Variants in LARS1 observed in about 807,000 individuals in gnomAD.
LARS1 encodes leucine--tRNA ligase, cytoplasmic.
LARS1 carries 100 observed loss-of-function variants against 162.8 expected under a neutral mutation model. The ratio of observed to expected loss-of-function variants is 0.61; its 90% confidence interval spans 0.52 to 0.73. The LOEUF is 0.73. LARS1 is among the 30% of genes least tolerant of loss of function. The pLI, the probability that LARS1 is intolerant of heterozygous loss-of-function variation, is 0.00. For missense variants in LARS1, 1,258 were observed against 1,408.9 expected (o/e 0.89, Z 1.71); for synonymous variants, 457 against 462.8 (o/e 0.99, Z 0.16).
chr5:146,142,092 G>C (rs866566545), intron 20 of LARS1, among the ~76,000 whole-genome samples: 5 of 151,852 alleles, frequency 3.3e-5, no homozygotes, highest in Non-Finnish European at 5.9e-5. Flanking sequence ...CCCAGGAGGC[G>C]GAGGTTGCAG....
chr5:146,161,117 A>G (rs1012217066), intron 6 of LARS1, among the ~76,000 whole-genome samples: 1 of 152,360 alleles, frequency 6.6e-6, no homozygotes, highest in East Asian at 1.9e-4. Context: ...ATATTGAATT[A>G]TGTTAAGTGT....
intron 28 of LARS1, 132 bp from the exon 29 acceptor site, chr5:146,124,218 G>T: frequency 1.7e-6 from 1 of 583,792 alleles, no homozygotes. Context: ...GAAAGGCCTT[G>T]GACTCATGAT....
chr5:146,146,532 C>CAAAAAAAA (rs573828595), intron 15 of LARS1, among the ~76,000 whole-genome samples: 1 of 26,502 alleles, frequency 3.8e-5, no homozygotes, highest in Non-Finnish European at 6.1e-5. Flanking sequence ...ATGCCAGAAC[C>CAAAAAAAA]AAAAAAAAAA....
In LARS1 at chr5:146,121,901, T is replaced by A. The variant is rs370846647; in HGVS notation, c.3192+591A>T. ...GATGACGGGTAGATGGGTGCAGCAA[T>A]CCACCATGGCACGTGTATACCTATG... On this transcript the variant is annotated intron_variant, in intron 30 of 31. Coordinates refer to ENST00000394434, the MANE Select transcript of LARS1 (RefSeq NM_020117.11). Among the ~76,000 whole-genome samples, 386 of 152,062 alleles carry A rather than the reference T, an allele frequency of 2.5e-3. 1 individual carries two copies. Among genetic ancestry groups the A allele is most frequent in the African/African-American group, 8.8e-3 (366 of 41,496 alleles).
chr5:146,142,986 T>G lies in LARS1; in HGVS notation c.1976A>C (p.Lys659Thr). Residue 659 changes from lysine to threonine, a missense_variant, in exon 20 of 32, where the codon AAG (lysine) becomes ACG (threonine). Transcript: ENST00000394434. ...AGGATACCAGAATTCAAACTCCTGCTTTAACTGATCTAATTTTTCCTTTGC... is the reference window on the plus strand; with the variant it reads ...AGGATACCAGAATTCAAACTCCTGCGTTAACTGATCTAATTTTTCCTTTGC... ...QIAKEKLDQLKQEFEFWYPVD... is the reference protein window; with the variant it reads ...QIAKEKLDQLTQEFEFWYPVD... 2 of 1,613,966 alleles carry G rather than the reference T, an allele frequency of 1.2e-6. No individual in the cohort carries two copies. The highest frequency in any genetic ancestry group is 1.7e-6 in the Non-Finnish European group (2 of 1,179,860).
At chr5:146,131,735 C>T (rs1334717923) in intron 23 of LARS1, 2 of 152,334 alleles carry the variant, frequency 1.3e-5, no homozygotes, top group Non-Finnish European at 2.9e-5. Context: ...AAGCAATCCT[C>T]CCACCTCAGC....
chr5:146,114,057 A>T lies in LARS1; in HGVS notation c.*49T>A. 1 of 1,385,048 alleles carries T rather than the reference A, an allele frequency of 7.2e-7. No individual in the cohort carries two copies. The highest frequency in any genetic ancestry group is 1.7e-5 in the Admixed American group (1 of 59,714). The allele number at this position is 1,385,048 out of a possible 1,614,324, so 85.8% of individuals were successfully genotyped here. A position where few individuals can be genotyped will look rare whatever the true frequency, so the allele number is the denominator to read the frequency against. On this transcript the variant is annotated 3_prime_UTR_variant, in exon 32 of 32. Coordinates refer to ENST00000394434, the MANE Select transcript of LARS1 (RefSeq NM_020117.11). ...ATAGCCAATCAGTAGACACAATCAG[A>T]GTAGTAGTATTCCTAAGAAACCAGG...
chr5:146,153,113 G>T, intron 13 of LARS1, 61 bp downstream of exon 13: 1 of 1,284,328 alleles, frequency 7.8e-7, no homozygotes, highest in Non-Finnish European at 1.1e-6. Flanking sequence ...AAACATGTTA[G>T]CTCTTCTTTT....
chr5:146,118,982 TC>T (rs1339783738), intron 31 of LARS1, among the ~76,000 whole-genome samples: 3 of 152,200 alleles, frequency 2.0e-5, no homozygotes, highest in Non-Finnish European at 4.4e-5. Context: ...AACTGGTATT[TC>T]CCTCCTGGAT....
Position 146,182,548 on chromosome 5 carries a change from A to G in LARS1, c.-55T>C. On this transcript the variant is annotated 5_prime_UTR_variant, in exon 1 of 32. Transcript: ENST00000394434. Reference sequence around the variant, plus strand: ...CGACAATGACCCTGGCGACCTCCACAAAGGAGTGGTTACCTTTCCCCTCCC... The same window carrying G: ...CGACAATGACCCTGGCGACCTCCACGAAGGAGTGGTTACCTTTCCCCTCCC... The G allele has an allele frequency of 1.2e-6, 2 of 1,613,356 alleles. No homozygotes were observed. Among genetic ancestry groups the G allele is most frequent in the South Asian group, 2.2e-5 (2 of 91,036 alleles).
Position 146,144,710 on chromosome 5 carries a change from C to G in LARS1, c.1504-1G>C. On this transcript the variant is annotated splice_acceptor_variant, in intron 15 of 31. Coordinates refer to ENST00000394434, the MANE Select transcript of LARS1 (RefSeq NM_020117.11). LOFTEE classifies it high-confidence loss of function. ...GTTCCATGTAAATAAGTGCATCTCC[C>G]TAAAGGAAGGTAAATAAACATACAT... is the stretch of plus-strand genomic sequence containing the variant. 1.2e-6 allele frequency: 2 copies of G among 1,612,092 alleles called. No individual in the cohort carries two copies. The highest frequency in any genetic ancestry group is 1.7e-6 in the Non-Finnish European group (2 of 1,178,416).
At chr5:146,172,453 T>C (rs993491480) in intron 3 of LARS1, among the ~76,000 whole-genome samples, 9 of 151,854 alleles carry the variant, frequency 5.9e-5, no homozygotes, top group African/African-American at 1.9e-4. Context: ...GAGGCAGAGG[T>C]TGCAGTGAGC....
rs199826165 is a variant in LARS1, at chr5:146,129,131, G to C, written c.2629-13C>G. On this transcript the variant is annotated splice_polypyrimidine_tract_variant and intron_variant, in intron 25 of 31. Transcript: ENST00000394434. ...TAATTGAGTCAGGCTTTTAAAAAAA[G>C]AAAAACAAAAAAACCTTCAGTGAGA... The C allele has an allele frequency of 1.1e-4, 89 of 841,278 alleles. No homozygotes were observed. Among genetic ancestry groups the C allele is most frequent in the Non-Finnish European group, 1.4e-4 (82 of 587,136 alleles). 52.1% of individuals were successfully genotyped at this position (841,278 alleles called of 1,614,324 possible).
chr5:146,164,465 C>G lies in LARS1; in HGVS notation c.439G>C (p.Ala147Pro). The change falls in exon 6 of 32, where the codon GCT becomes CCT. Residue 147 changes from alanine (A) to proline (P), a missense_variant. Transcript: ENST00000394434. ...TTAGAAGATCCAGCTTTAGCAGCAG[C>G]TTTACTCTGAAAATAATGGAGAAAA... The part of the protein sequence containing the change: ...KDKAKGKKSK[A>P]AAKAGSSKYQ... 6.2e-7 allele frequency: 1 copy of G among 1,613,656 alleles called. No individual in the cohort carries two copies. Among genetic ancestry groups the G allele is most frequent in the East Asian group, 2.2e-5 (1 of 44,870 alleles).
At chr5:146,177,185 G>A (rs950242258) in intron 2 of LARS1, among the ~76,000 whole-genome samples, 17 of 152,038 alleles carry the variant, frequency 1.1e-4, no homozygotes, top group South Asian at 4.2e-4. Flanking sequence ...CAATGCACAG[G>A]GCCGGGCGTG....
chr5:146,139,812 T>C (rs1171909563), intron 21 of LARS1: 4 of 145,228 alleles, frequency 2.8e-5, no homozygotes, highest in Non-Finnish European at 4.3e-5. Context: ...GGGGCGGAGC[T>C]TGCAGTGAGC....
chr5:146,117,242 C>G (rs1751597604), intron 31 of LARS1, among the ~76,000 whole-genome samples: 1 of 152,042 alleles, frequency 6.6e-6, no homozygotes, highest in South Asian at 2.1e-4. Context: ...ACATTTAAAA[C>G]AGAGGTAGAT....
At chr5:146,147,183 T>C (rs922866431) in intron 15 of LARS1, among the ~76,000 whole-genome samples, 1 of 152,116 alleles carries the variant, frequency 6.6e-6, no homozygotes, top group Non-Finnish European at 1.5e-5. Context: ...AGCAAAAACA[T>C]TTCTTTTTAC....
chr5:146,128,746 A>G lies in LARS1; in HGVS notation c.2806T>C (p.Cys936Arg). Residue 936 changes from cysteine (C) to arginine (R), a missense_variant, in exon 27 of 32, where the codon TGC becomes CGC. Coordinates refer to ENST00000394434, the MANE Select transcript of LARS1 (RefSeq NM_020117.11). ...DKQPLQKPSH[C>R]TIYVAKNYPP... is the part of the protein sequence containing the mutation. The stretch of plus-strand genomic sequence containing the variant: ...TAGTTCTTTGCCACATAGATGGTGC[A>G]ATGTGAGGGCTTCTGCAGGGGTTGT... 1 of 1,602,362 alleles carries G rather than the reference A, an allele frequency of 6.2e-7. No individual in the cohort carries two copies. The highest frequency in any genetic ancestry group is 8.5e-7 in the Non-Finnish European group (1 of 1,176,982).
Sources: gnomAD v4.1 joint callset for allele counts (sites outside exome capture counted in the v4.1 genomes callset) on GRCh38, gnomAD v4.1.1 for gene constraint, MANE v1.5 for transcripts, NCBI Gene and HGNC (gene_info 2026-07-23, HGNC 2026-07-21) for gene names.